Variants in CELSR3 observed in about 807,000 individuals in gnomAD.
The protein encoded by CELSR3 is cadherin EGF LAG seven-pass G-type receptor 3, also known as EGF-like protein 1.
CELSR3 carries 73 observed loss-of-function variants against 270.0 expected under a neutral mutation model. That is an observed-to-expected ratio of 0.27 (90% CI 0.22 to 0.33). The LOEUF (loss-of-function observed/expected upper bound fraction) is 0.33. Ranked by LOEUF, CELSR3 falls within the 10% of genes least tolerant of loss-of-function variation. The probability of loss-of-function intolerance (pLI) is 1.00; values close to 1 mark genes in which losing one functional copy is unlikely to be tolerated. For synonymous variants in CELSR3, 1,780 were observed against 1,905.4 expected (o/e 0.93, Z 1.71); for missense variants, 3,614 against 4,533.8 (o/e 0.80, Z 5.83).
In CELSR3 at chr3:48,659,532, A is replaced by G. The variant is rs747001344; in HGVS notation, c.3103T>C (p.Leu1035=). The change falls in exon 1 of 35, where the codon TTG becomes CTG. Residue 1035 remains leucine, a synonymous_variant. Coordinates refer to ENST00000164024, the MANE Select transcript of CELSR3 (RefSeq NM_001407.3). This position sits in a 1 kb window ranked among gnomAD's most constrained non-coding sequence, Gnocchi z 8.1. The stretch of plus-strand genomic sequence containing the variant: ...CCTCTGTCCACTGCGTAGGCAGTCA[A>G]CTCATACACTGATACTGCCTCCCGG... ...LDREAVSVYE[L]TAYAVDRGVP... is the part of the protein sequence containing the mutation. 6.6e-5 allele frequency: 106 copies of G among 1,614,054 alleles called. No individual in the cohort carries two copies. Among genetic ancestry groups the G allele is most frequent in the Non-Finnish European group, 8.6e-5 (101 of 1,180,040 alleles).
chr3:48,641,831 G>A lies in CELSR3; in HGVS notation c.8824+20C>T. Reference sequence around the variant, plus strand: ...TGGGGCATCCCTTGGTCACCCAAGGGGTCAGAGGGCGCCTGGCACCTTTGG... The same window carrying A: ...TGGGGCATCCCTTGGTCACCCAAGGAGTCAGAGGGCGCCTGGCACCTTTGG... On this transcript the variant is annotated intron_variant, in intron 32 of 34. Coordinates refer to ENST00000164024, the MANE Select transcript of CELSR3 (RefSeq NM_001407.3). This position sits in a 1 kb window ranked among gnomAD's most constrained non-coding sequence, Gnocchi z 4.8. 1 of 1,447,584 alleles carries A rather than the reference G, an allele frequency of 6.9e-7. No individual in the cohort carries two copies. The highest frequency in any genetic ancestry group is 9.1e-7 in the Non-Finnish European group (1 of 1,097,868). 89.7% of individuals were successfully genotyped at this position (1,447,584 alleles called of 1,614,324 possible). A position where few individuals can be genotyped will look rare whatever the true frequency, so the allele number is the denominator to read the frequency against.
chr3:48,654,783 A>G lies in CELSR3; in HGVS notation c.4988+261T>C, dbSNP rs1450587625. Among the ~76,000 whole-genome samples the G allele has an allele frequency of 6.6e-6, 1 of 151,478 alleles. No homozygotes were observed. Among genetic ancestry groups the G allele is most frequent in the Non-Finnish European group, 1.5e-5 (1 of 67,886 alleles). On this transcript the variant is annotated intron_variant, in intron 6 of 34. Coordinates refer to ENST00000164024, the MANE Select transcript of CELSR3 (RefSeq NM_001407.3). This position sits in a 1 kb window ranked among gnomAD's most constrained non-coding sequence, Gnocchi z 5.4. Reference sequence around the variant, plus strand: ...AAGGGACTCGGAGGGGATGTGGGACATTAGTGAGACTGGGGTGGGGAGGTG... The same window carrying G: ...AAGGGACTCGGAGGGGATGTGGGACGTTAGTGAGACTGGGGTGGGGAGGTG...
At position 48,662,346 on chromosome 3, in the gene CELSR3, T is replaced by C. The variant is rs751422904; in HGVS notation, c.289A>G (p.Asn97Asp). ...GGCTGCTCAGGGGGCCCTCGACTAT[T>C]CCGGGCGCTTTGCCTTCTCCCTCGG... ...GLRGRRQSAR[N>D]SRGPPEQPNE... is the part of the protein sequence containing the mutation. Residue 97 changes from asparagine to aspartate, a missense_variant, in exon 1 of 35, where the codon AAT (asparagine) becomes GAT (aspartate). Physicochemically the swap from Asn to Asp is conservative, Grantham distance 23. Transcript: ENST00000164024. This position sits in a 1 kb window ranked among gnomAD's most constrained non-coding sequence, Gnocchi z 7.1. 3.1e-6 allele frequency: 5 copies of C among 1,613,030 alleles called. No homozygotes were observed. In the East Asian group the frequency reaches 1.1e-4, roughly 36 times the overall value.
chr3:48,661,038 T>C lies in CELSR3; in HGVS notation c.1597A>G (p.Ile533Val), dbSNP rs199908113. The C allele has an allele frequency of 3.6e-4, 583 of 1,613,728 alleles. No individual in the cohort carries two copies. The highest frequency in any genetic ancestry group is 4.9e-4 in the Non-Finnish European group (574 of 1,180,042). ...TTGTCGTTCTCGTCTAGCACAGTTATGTGTACGCGCACAGTGGCCGAGCGC... is the reference window on the plus strand; with the variant it reads ...TTGTCGTTCTCGTCTAGCACAGTTACGTGTACGCGCACAGTGGCCGAGCGC... ...GPRSATVRVHITVLDENDNAP... is the reference protein window; with the variant it reads ...GPRSATVRVHVTVLDENDNAP... Residue 533 changes from isoleucine (I) to valine (V), a missense_variant, in exon 1 of 35, where the codon ATA (isoleucine) becomes GTA (valine). By Grantham distance (29) the Ile-to-Val change is conservative. Transcript: ENST00000164024.
At position 48,650,883 on chromosome 3, in the gene CELSR3, C is replaced by A; in HGVS notation, c.6370+9G>T. On this transcript the variant is annotated intron_variant, in intron 15 of 34. Coordinates refer to ENST00000164024, the MANE Select transcript of CELSR3 (RefSeq NM_001407.3). This position sits in a 1 kb window ranked among gnomAD's most constrained non-coding sequence, Gnocchi z 5.1. ...CCTCTATGGGTGGAGCTGGGTGGAG[C>A]CTGCTCACCCCGGCAGCCGCTGGCT... 1.9e-6 allele frequency: 3 copies of A among 1,608,872 alleles called. No individual in the cohort carries two copies. Among genetic ancestry groups the A allele is most frequent in the Non-Finnish European group, 1.7e-6 (2 of 1,178,960 alleles).
chr3:48,640,112 G>A lies in CELSR3; in HGVS notation c.9473C>T (p.Pro3158Leu), dbSNP rs373014167. 42 of 1,611,554 alleles carry A rather than the reference G, an allele frequency of 2.6e-5. No homozygotes were observed. Among genetic ancestry groups the A allele is most frequent in the Middle Eastern group, 1.6e-4 (1 of 6,082 alleles). The change falls in exon 34 of 35, where the codon CCG (proline) becomes CTG (leucine). Residue 3158 changes from proline (P) to leucine (L), a missense_variant. Pro to Leu is a moderately conservative substitution (Grantham distance 98, BLOSUM62 -3). Around this residue, in one of 7 missense-constraint regions of CELSR3, gnomAD observed 1,240 missense variants for 1,351.7 expected, o/e 0.92. Transcript: ENST00000164024. This position sits in a 1 kb window ranked among gnomAD's most constrained non-coding sequence, Gnocchi z 7.5. ...APREWLSTLP[P>L]PRRTRDLDPQ... ...GTCAAGGTCCCGGGTGCGGCGGGGC[G>A]GAGGCAGCGTGCTCAACCACTCTCG...
chr3:48,640,255 G>C lies in CELSR3; in HGVS notation c.9330C>G (p.Gly3110=). 1 of 1,612,804 alleles carries C rather than the reference G, an allele frequency of 6.2e-7. No individual in the cohort carries two copies. Among genetic ancestry groups the C allele is most frequent in the Non-Finnish European group, 8.5e-7 (1 of 1,179,928 alleles). Residue 3110 remains glycine (G), a synonymous_variant, in exon 34 of 35, where the codon GGC becomes GGG. Coordinates refer to ENST00000164024, the MANE Select transcript of CELSR3 (RefSeq NM_001407.3). This position sits in a 1 kb window ranked among gnomAD's most constrained non-coding sequence, Gnocchi z 7.5. ...GSQECMDAAP[G]RLEPKDRGST... The stretch of plus-strand genomic sequence containing the variant: ...TGCCCCGATCTTTGGGCTCCAGTCG[G>C]CCTGGTGCAGCATCCATGCATTCCT...
At position 48,642,990 on chromosome 3, in the gene CELSR3, C is replaced by T. The variant is rs1237375969; in HGVS notation, c.8383G>A (p.Glu2795Lys). Reference sequence around the variant, plus strand: ...ACCAGCCCAGGTGCTGGCCTTGCCTCCTCAGGCGCTGCCTTCCTGCCCAGA... The same window carrying T: ...ACCAGCCCAGGTGCTGGCCTTGCCTTCTCAGGCGCTGCCTTCCTGCCCAGA... The part of the protein sequence containing the change: ...ACLGRKAAPE[E>K]ARPAPGLGPG... Residue 2795 changes from glutamate (E) to lysine (K), a missense_variant, in exon 29 of 35, where the codon GAG (glutamate) becomes AAG (lysine). By Grantham distance (56) the Glu-to-Lys change is moderately conservative (BLOSUM62 1). Around this residue, in one of 7 missense-constraint regions of CELSR3, gnomAD observed 1,240 missense variants for 1,351.7 expected, o/e 0.92. Transcript: ENST00000164024. The surrounding 1 kb of genome is among the most constrained non-coding windows in gnomAD (Gnocchi z 6.1). The T allele has an allele frequency of 4.3e-6, 7 of 1,612,568 alleles. No individual in the cohort carries two copies. Among genetic ancestry groups the T allele is most frequent in the Non-Finnish European group, 5.9e-6 (7 of 1,179,808 alleles).
intron 19 of CELSR3, 129 bp from the exon 20 acceptor site, chr3:48,648,125 G>A (rs1453898122): frequency 3.5e-6 from 5 of 1,438,774 alleles, no homozygotes; most frequent in South Asian, 1.3e-5. Context: ...CTCGGAGCCT[G>A]TCCCTACAAA....
rs565898631 is a variant in CELSR3 at position 48,640,142 on chromosome 3, G to A, written c.9443C>T (p.Ala3148Val). ...CAGCGTGCTCAACCACTCTCGAGGTGCCCCTAAGTCGAGCGCATCCCGTGA... is the reference window on the plus strand; with the variant it reads ...CAGCGTGCTCAACCACTCTCGAGGTACCCCTAAGTCGAGCGCATCCCGTGA... ...FGSRDALDLG[A>V]PREWLSTLPP... Residue 3148 changes from alanine (A) to valine (V), a missense_variant, in exon 34 of 35, where the codon GCA becomes GTA. Transcript: ENST00000164024. The surrounding 1 kb of genome is among the most constrained non-coding windows in gnomAD (Gnocchi z 7.5). The A allele has an allele frequency of 1.5e-5, 24 of 1,612,408 alleles. No homozygotes were observed. The East Asian group carries it at 4.9e-4, about 33-fold the overall frequency.
rs145824585 is a variant in CELSR3 at position 48,646,119 on chromosome 3, C to A, written c.7434G>T (p.Ala2478=). ...CAGGTGGGTCCCACTGCACACAGAT[C>A]GCCTTGCTCCGATTCGCTGTCTGTA... ...RLLQTANRSK[A]ICVQWDPPGL... The change falls in exon 22 of 35, where the codon GCG becomes GCT. Residue 2478 remains alanine, a synonymous_variant. Coordinates refer to ENST00000164024, the MANE Select transcript of CELSR3 (RefSeq NM_001407.3). The surrounding 1 kb of genome is among the most constrained non-coding windows in gnomAD (Gnocchi z 4.8). 3 of 1,612,896 alleles carry A rather than the reference C, an allele frequency of 1.9e-6. No individual in the cohort carries two copies. The highest frequency in any genetic ancestry group is 2.5e-6 in the Non-Finnish European group (3 of 1,179,896).
rs1354540162 is a variant in CELSR3, at chr3:48,654,712, G to A, written c.4989-260C>T. Among the ~76,000 whole-genome samples the A allele has an allele frequency of 4.6e-5, 7 of 152,216 alleles. No individual in the cohort carries two copies. Among genetic ancestry groups the A allele is most frequent in the South Asian group, 4.2e-4 (2 of 4,818 alleles). Reference sequence around the variant, plus strand: ...AAGAATGAGGCATCTGGCTGGCTGGGGAGGGGATGGAGACGTGAAGACTCT... The same window carrying A: ...AAGAATGAGGCATCTGGCTGGCTGGAGAGGGGATGGAGACGTGAAGACTCT... On this transcript the variant is annotated intron_variant, in intron 6 of 34. Coordinates refer to ENST00000164024, the MANE Select transcript of CELSR3 (RefSeq NM_001407.3). This position sits in a 1 kb window ranked among gnomAD's most constrained non-coding sequence, Gnocchi z 5.4.
chr3:48,659,537 T>C lies in CELSR3; in HGVS notation c.3098A>G (p.Tyr1033Cys). ...GTCCACTGCGTAGGCAGTCAACTCA[T>C]ACACTGATACTGCCTCCCGGTCTAG... ...RRLDREAVSV[Y>C]ELTAYAVDRG... Residue 1033 changes from tyrosine (Y) to cysteine (C), a missense_variant, in exon 1 of 35, where the codon TAT (tyrosine) becomes TGT (cysteine). Physicochemically the swap from Tyr to Cys is radical, Grantham distance 194. Coordinates refer to ENST00000164024, the MANE Select transcript of CELSR3 (RefSeq NM_001407.3). This position sits in a 1 kb window ranked among gnomAD's most constrained non-coding sequence, Gnocchi z 8.1. 1 of 1,614,198 alleles carries C rather than the reference T, an allele frequency of 6.2e-7. No homozygotes were observed. The highest frequency in any genetic ancestry group is 8.5e-7 in the Non-Finnish European group (1 of 1,180,032).
chr3:48,640,740 C>T lies in CELSR3; in HGVS notation c.9026-181G>A. The T allele has an allele frequency of 1.7e-6, 1 of 595,876 alleles. No individual in the cohort carries two copies. Among genetic ancestry groups the T allele is most frequent in the Non-Finnish European group, 2.8e-6 (1 of 359,348 alleles). The allele number at this position is 595,876 out of a possible 1,614,324, so 36.9% of individuals were successfully genotyped here. ...CCCAGAGAGGCAGCAGGACAGGGGT[C>T]AGAGTGGAAGGGCAGTCATCTTCCA... On this transcript the variant is annotated intron_variant, in intron 33 of 34. Coordinates refer to ENST00000164024, the MANE Select transcript of CELSR3 (RefSeq NM_001407.3). This position sits in a 1 kb window ranked among gnomAD's most constrained non-coding sequence, Gnocchi z 7.5.
rs2047130409 is a variant in CELSR3, at chr3:48,650,821, T to A, written c.6370+71A>T. The A allele has an allele frequency of 1.2e-5, 18 of 1,505,282 alleles. No individual in the cohort carries two copies. The highest frequency in any genetic ancestry group is 1.6e-5 in the Non-Finnish European group (18 of 1,108,188). 93.2% of individuals were successfully genotyped at this position (1,505,282 alleles called of 1,614,324 possible). On this transcript the variant is annotated intron_variant, in intron 15 of 34. Transcript: ENST00000164024. This position sits in a 1 kb window ranked among gnomAD's most constrained non-coding sequence, Gnocchi z 5.1. ...TCCAGAGTCCCCAAGGAGCCATGTGTGCCACTGACACGTGATGGTGGCACA... is the reference window on the plus strand; with the variant it reads ...TCCAGAGTCCCCAAGGAGCCATGTGAGCCACTGACACGTGATGGTGGCACA...
rs777752288 is a variant in CELSR3 at position 48,659,935 on chromosome 3, G to A, written c.2700C>T (p.Asn900=). ...NARITYLLED[N]LPQFRIDADS... ...CTGCATCAATGCGGAACTGGGGCAG[G>A]TTGTCCTCCAGGAGATAGGTGATAC... is the stretch of plus-strand genomic sequence containing the variant. Residue 900 remains asparagine, a synonymous_variant, in exon 1 of 35, where the codon AAC becomes AAT. Coordinates refer to ENST00000164024, the MANE Select transcript of CELSR3 (RefSeq NM_001407.3). The surrounding 1 kb of genome is among the most constrained non-coding windows in gnomAD (Gnocchi z 8.1). The A allele has an allele frequency of 1.3e-5, 21 of 1,614,096 alleles. No individual in the cohort carries two copies. The highest frequency in any genetic ancestry group is 1.8e-5 in the Non-Finnish European group (21 of 1,180,040).
Position 48,660,473 on chromosome 3 carries a change from T to C in CELSR3, c.2162A>G (p.His721Arg). 6.2e-7 allele frequency: 1 copy of C among 1,614,094 alleles called. No homozygotes were observed. Among genetic ancestry groups the C allele is most frequent in the Non-Finnish European group, 8.5e-7 (1 of 1,180,026 alleles). ...TCGAGCCTCCACACCAAAGAAGTAA[T>C]GCTCCACAGACTCACGGTCCAGGGG... is the stretch of plus-strand genomic sequence containing the variant. ...SGPLDRESVEHYFFGVEARDH... is the reference protein window; with the variant it reads ...SGPLDRESVERYFFGVEARDH... The change falls in exon 1 of 35, where the codon CAT becomes CGT. Residue 721 changes from histidine to arginine, a missense_variant. Physicochemically the swap from His to Arg is conservative, Grantham distance 29. Transcript: ENST00000164024. This position sits in a 1 kb window ranked among gnomAD's most constrained non-coding sequence, Gnocchi z 5.5.
In CELSR3 at chr3:48,661,144, G is replaced by A. The variant is rs769185446; in HGVS notation, c.1491C>T (p.Thr497=). 6.2e-7 allele frequency: 1 copy of A among 1,606,530 alleles called. No individual in the cohort carries two copies. Among genetic ancestry groups the A allele is most frequent in the East Asian group, 2.2e-5 (1 of 44,494 alleles). The change falls in exon 1 of 35, where the codon ACC becomes ACT. Residue 497 remains threonine, a synonymous_variant. Transcript: ENST00000164024. ...TGTGCTCGCGGTCCACTCGGCCGCTGGTGCTGATGAGGCCGGAGCGTGGAT... is the reference window on the plus strand; with the variant it reads ...TGTGCTCGCGGTCCACTCGGCCGCTAGTGCTGATGAGGCCGGAGCGTGGAT... ...EIDPRSGLIS[T]SGRVDREHME... is the part of the protein sequence containing the mutation.
rs775991275 is a variant in CELSR3 at position 48,640,156 on chromosome 3, C to G, written c.9429G>C (p.Ala3143=). The stretch of plus-strand genomic sequence containing the variant: ...ACTCTCGAGGTGCCCCTAAGTCGAG[C>G]GCATCCCGTGACCCGAAGCGGCCAG... ...AMAGRFGSRD[A]LDLGAPREWL... The change falls in exon 34 of 35, where the codon GCG becomes GCC. Residue 3143 remains alanine (A), a synonymous_variant. Coordinates refer to ENST00000164024, the MANE Select transcript of CELSR3 (RefSeq NM_001407.3). This position sits in a 1 kb window ranked among gnomAD's most constrained non-coding sequence, Gnocchi z 7.5. 6.2e-7 allele frequency: 1 copy of G among 1,612,546 alleles called. No individual in the cohort carries two copies. The highest frequency in any genetic ancestry group is 1.1e-5 in the South Asian group (1 of 91,080).
Sources: allele counts gnomAD v4.1 joint callset (sites outside exome capture counted in the v4.1 genomes callset), GRCh38; gene constraint gnomAD v4.1.1; regional missense constraint gnomAD v4.1.1; non-coding constraint Gnocchi (gnomAD v3.1); transcripts MANE v1.5; gene names NCBI Gene and HGNC (gene_info 2026-07-23, HGNC 2026-07-21).